ZNF475: variants seen among roughly 807,000 people sequenced by gnomAD.
ZNF475 encodes zinc finger protein 475.
chr5:122,172,458 T>A, the ZNF475 span, among the ~76,000 whole-genome samples: 1 of 152,196 alleles, frequency 6.6e-6, no homozygotes, highest in African/African-American at 2.4e-5. Context: ...AAAGGCCCAA[T>A]AGCTCACTTC....
At chr5:122,163,962 TC>T in the ZNF475 span, among the ~76,000 whole-genome samples, 1 of 151,698 alleles carries the variant, frequency 6.6e-6, no homozygotes. Flanking sequence ...TTTTTTTTTT[TC>T]TCTCTAAAAT....
At chr5:122,176,701 C>G in the ZNF475 span, among the ~76,000 whole-genome samples, 1 of 152,170 alleles carries the variant, frequency 6.6e-6, no homozygotes, top group African/African-American at 2.4e-5. Context: ...CTGCCCTTTT[C>G]TTGTGGCAGA....
At chr5:122,178,947 T>C in the ZNF475 span, among the ~76,000 whole-genome samples, 9 of 152,344 alleles carry the variant, frequency 5.9e-5, no homozygotes, top group African/African-American at 1.4e-4. Flanking sequence ...TTCAGTTTTT[T>C]GCATATGGCT....
At chr5:122,175,012 C>A in the ZNF475 span, among the ~76,000 whole-genome samples, 2 of 151,972 alleles carry the variant, frequency 1.3e-5, no homozygotes, top group Admixed American at 1.3e-4. Flanking sequence ...TTAGAACCTA[C>A]CATATGGCTA....
At chr5:122,182,141 T>C in the ZNF475 span, among the ~76,000 whole-genome samples, 5 of 152,212 alleles carry the variant, frequency 3.3e-5, no homozygotes, top group African/African-American at 9.6e-5. Flanking sequence ...ATTTGCAAAA[T>C]AATAATGTGT....
At chr5:122,178,371 AG>A in the ZNF475 span, among the ~76,000 whole-genome samples, 1 of 152,322 alleles carries the variant, frequency 6.6e-6, no homozygotes, top group South Asian at 2.1e-4. Context: ...ACAGTGTAAA[AG>A]CTTTCCTATT....
the ZNF475 span, among the ~76,000 whole-genome samples, chr5:122,167,132 TC>T: frequency 0.04 from 6,028 of 152,324 alleles, 399 homozygotes; most frequent in African/African-American, 0.14. Context: ...GTTTCAGCTT[TC>T]TACATATGGC....
At chr5:122,181,746 C>A in the ZNF475 span, among the ~76,000 whole-genome samples, 4 of 152,168 alleles carry the variant, frequency 2.6e-5, no homozygotes, top group Non-Finnish European at 4.4e-5. Context: ...GTACTGAAAT[C>A]ATTCTATTTT....
At chr5:122,172,808 T>G in the ZNF475 span, among the ~76,000 whole-genome samples, 1 of 152,110 alleles carries the variant, frequency 6.6e-6, no homozygotes, top group Non-Finnish European at 1.5e-5. Flanking sequence ...CCGAGGCGGA[T>G]GGATCACGAG....
At chr5:122,171,630 G>A in the ZNF475 span, among the ~76,000 whole-genome samples, 1 of 152,102 alleles carries the variant, frequency 6.6e-6, no homozygotes, top group Non-Finnish European at 1.5e-5. Context: ...ATTTTACACT[G>A]CTTCAATTGA....
At chr5:122,166,801 G>A in the ZNF475 span, among the ~76,000 whole-genome samples, 5 of 152,282 alleles carry the variant, frequency 3.3e-5, no homozygotes, top group South Asian at 4.1e-4. Context: ...ATAAACATAC[G>A]TGTGCATGTG....
chr5:122,179,729 T>C, the ZNF475 span: 2,221 of 1,498,030 alleles, frequency 1.5e-3, 34 homozygotes, highest in African/African-American at 0.028. Context: ...GGACCATTAC[T>C]GGTAAGTTCC....
chr5:122,169,421 C>T, the ZNF475 span, among the ~76,000 whole-genome samples: 1 of 152,108 alleles, frequency 6.6e-6, no homozygotes, highest in East Asian at 1.9e-4. Flanking sequence ...TGGGATTCCC[C>T]ACAACCTCCA....
the ZNF475 span, among the ~76,000 whole-genome samples, chr5:122,174,999 T>C: frequency 2.6e-5 from 4 of 152,220 alleles, no homozygotes; most frequent in Non-Finnish European, 5.9e-5. Flanking sequence ...CACTTTTGAA[T>C]TGTTAGAACC....
the ZNF475 span, chr5:122,162,103 T>C: frequency 6.6e-6 from 1 of 152,188 alleles, no homozygotes; most frequent in South Asian, 2.1e-4. Flanking sequence ...GATTAACAAT[T>C]AAATAACTAA....
At chr5:122,182,409 C>A in the ZNF475 span, 1 of 1,077,514 alleles carries the variant, frequency 9.3e-7, no homozygotes, top group East Asian at 2.8e-5. Context: ...AAAAACTGAT[C>A]CATTTTACCT....
the ZNF475 span, chr5:122,179,800 G>A: frequency 8.6e-7 from 1 of 1,159,666 alleles, no homozygotes; most frequent in Non-Finnish European, 1.1e-6. Flanking sequence ...AAGAGCAGAA[G>A]TATTCTTTTT....
At chr5:122,179,757 T>G in the ZNF475 span, 17 of 1,456,336 alleles carry the variant, frequency 1.2e-5, no homozygotes, top group Non-Finnish European at 1.4e-5. Flanking sequence ...AAGATTTGAG[T>G]GCATAAGGGG....
chr5:122,178,713 T>C, the ZNF475 span, among the ~76,000 whole-genome samples: 4 of 152,314 alleles, frequency 2.6e-5, no homozygotes, highest in Admixed American at 2.6e-4. Flanking sequence ...GTAGTTTCTT[T>C]TGCTGTGCAG....
Sources: gnomAD v4.1 joint callset for allele counts (sites outside exome capture counted in the v4.1 genomes callset) on GRCh38, gnomAD v4.1.1 for gene constraint, MANE v1.5 for transcripts, NCBI Gene and HGNC (gene_info 2026-07-23, HGNC 2026-07-21) for gene names.